ROCK2: variants seen among roughly 807,000 people sequenced by gnomAD.
The protein encoded by ROCK2 is Rho associated coiled-coil containing protein kinase 2.
Under a neutral mutation model 195.1 loss-of-function variants are expected in ROCK2, and 61 were observed. The observed-to-expected ratio is 0.31, with a 90% CI of 0.25 to 0.39. The LOEUF is 0.39. Ranked by LOEUF, ROCK2 falls within the 10% of genes least tolerant of loss-of-function variation. The pLI is 1.00. For synonymous variants in ROCK2, 504 were observed against 545.5 expected (o/e 0.92, Z 1.06); for missense variants, 1,109 against 1,637.4 (o/e 0.68, Z 5.57).
At chr2:11,307,352 T>C (rs531432627) in intron 1 of ROCK2, among the ~76,000 whole-genome samples, 1 of 152,340 alleles carries the variant, frequency 6.6e-6, no homozygotes, top group East Asian at 1.9e-4. Flanking sequence ...TCTCACTCTG[T>C]CACCAGGCTG....
At chr2:11,186,804 G>A (rs539546955) in intron 32 of ROCK2, among the ~76,000 whole-genome samples, 1 of 152,242 alleles carries the variant, frequency 6.6e-6, no homozygotes, top group Admixed American at 6.5e-5. Flanking sequence ...GCTTGGAACT[G>A]ATTTTCCCTT....
In ROCK2 at chr2:11,227,287, A is replaced by G; in HGVS notation, c.835T>C (p.Ser279Pro). The change falls in exon 6 of 33, where the codon TCT (serine) becomes CCT (proline). Residue 279 changes from serine to proline, a missense_variant. Physicochemically the swap from Ser to Pro is moderately conservative, Grantham distance 74. Coordinates refer to ENST00000315872, the MANE Select transcript of ROCK2 (RefSeq NM_004850.5). ...ATCTCATAAAGGAAAACACCTACAGACCACCAATCACATTCTCGCCCATAG... is the reference window on the plus strand; with the variant it reads ...ATCTCATAAAGGAAAACACCTACAGGCCACCAATCACATTCTCGCCCATAG... Reference protein sequence around the residue: ...GFYGRECDWWSVGVFLYEMLV... With the variant: ...GFYGRECDWWPVGVFLYEMLV... 6.2e-7 allele frequency: 1 copy of G among 1,613,710 alleles called. No homozygotes were observed. The highest frequency in any genetic ancestry group is 8.5e-7 in the Non-Finnish European group (1 of 1,179,738).
At chr2:11,251,672 TTAAAC>T (rs1665834889) in intron 3 of ROCK2, among the ~76,000 whole-genome samples, 1 of 152,142 alleles carries the variant, frequency 6.6e-6, no homozygotes, top group African/African-American at 2.4e-5. Context: ...TAGGATCTAA[TTAAAC>T]TAAAGAGCTT....
At chr2:11,263,602 A>AT (rs1034598384) in intron 3 of ROCK2, among the ~76,000 whole-genome samples, 4 of 62,500 alleles carry the variant, frequency 6.4e-5, no homozygotes, top group East Asian at 1.4e-3. Flanking sequence ...GTTTTACATT[A>AT]TTAAAAAAAA....
chr2:11,211,368 A>G (rs1269928740), intron 18 of ROCK2, among the ~76,000 whole-genome samples: 1 of 152,198 alleles, frequency 6.6e-6, no homozygotes, highest in Non-Finnish European at 1.5e-5. Context: ...CCTTCTTACT[A>G]CTGATACACG....
intron 3 of ROCK2, among the ~76,000 whole-genome samples, chr2:11,276,967 T>C (rs184845035): frequency 3.9e-5 from 6 of 152,334 alleles, no homozygotes; most frequent in Non-Finnish European, 1.5e-5. Context: ...CATGTTTTTA[T>C]TAATAGACTT....
chr2:11,315,034 T>C (rs1668149521), intron 1 of ROCK2, among the ~76,000 whole-genome samples: 1 of 151,984 alleles, frequency 6.6e-6, no homozygotes, highest in African/African-American at 2.4e-5. Flanking sequence ...TGATATAAAC[T>C]GAGGATAAAA....
At chr2:11,282,187 C>A (rs192787752) in intron 3 of ROCK2, among the ~76,000 whole-genome samples, 1 of 151,922 alleles carries the variant, frequency 6.6e-6, no homozygotes, top group Non-Finnish European at 1.5e-5. Flanking sequence ...CCCATCTTTA[C>A]TAAAAATACA....
intron 5 of ROCK2, among the ~76,000 whole-genome samples, chr2:11,231,883 G>T (rs980639436): frequency 6.6e-6 from 1 of 152,014 alleles, no homozygotes; most frequent in Admixed American, 6.6e-5. Flanking sequence ...AGGAAGTCAG[G>T]ATGGCTGAAA....
chr2:11,318,244 T>C (rs1323534517), intron 1 of ROCK2, among the ~76,000 whole-genome samples: 2 of 152,192 alleles, frequency 1.3e-5, no homozygotes, highest in Non-Finnish European at 2.9e-5. Context: ...GTAAAAGTAT[T>C]CCTATTTCTC....
At chr2:11,255,273 T>A (rs1572317280) in intron 3 of ROCK2, among the ~76,000 whole-genome samples, 1 of 148,090 alleles carries the variant, frequency 6.8e-6, no homozygotes, top group East Asian at 2.0e-4. Context: ...CACATCTACA[T>A]TTACAAAGTA....
intron 1 of ROCK2, among the ~76,000 whole-genome samples, chr2:11,320,177 C>T (rs1668357537): frequency 6.6e-6 from 1 of 152,196 alleles, no homozygotes; most frequent in Non-Finnish European, 1.5e-5. Flanking sequence ...CTTCAACTTA[C>T]TCATGTGGCT....
At chr2:11,280,149 C>G (rs1447139909) in intron 3 of ROCK2, among the ~76,000 whole-genome samples, 1 of 151,778 alleles carries the variant, frequency 6.6e-6, no homozygotes, top group South Asian at 2.1e-4. Context: ...AAAATTAGAG[C>G]AGAAACCAAG....
intron 1 of ROCK2, among the ~76,000 whole-genome samples, chr2:11,332,758 A>C (rs1048642333): frequency 1.3e-5 from 2 of 152,260 alleles, no homozygotes; most frequent in Non-Finnish European, 2.9e-5. Flanking sequence ...TCCAAGAGAA[A>C]TGAAAACATA....
chr2:11,217,575 C>CA (rs1664477042), intron 11 of ROCK2, among the ~76,000 whole-genome samples: 1 of 152,138 alleles, frequency 6.6e-6, no homozygotes, highest in Non-Finnish European at 1.5e-5. Context: ...AACAAATATT[C>CA]AGAGTACTCA....
intron 3 of ROCK2, among the ~76,000 whole-genome samples, chr2:11,273,428 A>G (rs1666717492): frequency 2.6e-5 from 4 of 152,222 alleles, no homozygotes; most frequent in Admixed American, 1.3e-4. Context: ...TATCTTAATA[A>G]AAGTTTCAAC....
chr2:11,292,258 C>T (rs1302278921), intron 1 of ROCK2, among the ~76,000 whole-genome samples: 2 of 152,130 alleles, frequency 1.3e-5, no homozygotes, highest in Admixed American at 1.3e-4. Context: ...AAAACTTTAA[C>T]TACATTATAC....
intron 1 of ROCK2, among the ~76,000 whole-genome samples, chr2:11,307,273 T>A (rs1248241852): frequency 6.6e-6 from 1 of 152,230 alleles, no homozygotes; most frequent in African/African-American, 2.4e-5. Context: ...CTGACCTTCC[T>A]TTCTTGCATA....
intron 4 of ROCK2, among the ~76,000 whole-genome samples, chr2:11,244,126 T>C (rs944878932): frequency 5.9e-5 from 9 of 152,350 alleles, no homozygotes; most frequent in African/African-American, 2.2e-4. Flanking sequence ...GAGCAAACAT[T>C]CAGAAAAGAA....
Sources: allele counts gnomAD v4.1 joint callset (sites outside exome capture counted in the v4.1 genomes callset), GRCh38; gene constraint gnomAD v4.1.1; transcripts MANE v1.5; gene names NCBI Gene and HGNC (gene_info 2026-07-23, HGNC 2026-07-21).